The following SLC25A51 variants were observed in gnomAD, a reference collection of about 807,000 sequenced individuals.
SLC25A51 encodes solute carrier family 25 member 51.
In SLC25A51, 11 loss-of-function variants were observed where a neutral mutation model predicts 19.1. The observed-to-expected ratio is 0.58, with a 90% confidence interval of 0.36 to 0.96. The LOEUF is 0.96. SLC25A51 is among the 40% of genes least tolerant of loss of function. The pLI, the probability that SLC25A51 is intolerant of heterozygous loss-of-function variation, is 0.01. For missense variants in SLC25A51, 201 were observed against 365.4 expected, an observed-to-expected ratio of 0.55 and a Z score of 3.67; for synonymous variants, 105 against 133.6, an observed-to-expected ratio of 0.79 and a Z score of 1.47.
At position 37,888,161 on chromosome 9, in the gene SLC25A51, T is replaced by C; in HGVS notation, c.390A>G (p.Thr130=). Residue 130 remains threonine (T), a synonymous_variant, in exon 3 of 3, where the codon ACA becomes ACG. Transcript: ENST00000242275. ...CCAGTGGAGTGAAAATTGCTTCTGT[T>C]GTCCCTGCAAGCACTGCCGCCACGC... is the stretch of plus-strand genomic sequence containing the variant. ...TSGVAAVLAG[T]TEAIFTPLER... is the part of the protein sequence containing the mutation. 4 of 1,614,006 alleles carry C rather than the reference T, an allele frequency of 2.5e-6. No individual in the cohort carries two copies. The highest frequency in any genetic ancestry group is 3.4e-6 in the Non-Finnish European group (4 of 1,179,868).
chr9:37,887,343 A>G (rs1831483029), downstream of SLC25A51, among the ~76,000 whole-genome samples: 1 of 152,044 alleles, frequency 6.6e-6, no homozygotes, highest in African/African-American at 2.4e-5. Flanking sequence ...GTATAAGCCT[A>G]ACTTTGTCAC....
chr9:37,896,428 T>G (rs144628166), intron 2 of SLC25A51, among the ~76,000 whole-genome samples: 172 of 152,248 alleles, frequency 1.1e-3, no homozygotes, highest in African/African-American at 4.0e-3. Context: ...TAAACTTCGG[T>G]GTACTCTTCC....
At chr9:37,882,189 C>T (rs1831362160) in intron 2 of SLC25A51, among the ~76,000 whole-genome samples, 3 of 152,158 alleles carry the variant, frequency 2.0e-5, no homozygotes, top group Non-Finnish European at 2.9e-5. Flanking sequence ...TATACATTTG[C>T]ACATGAGAAA....
At chr9:37,903,353 G>C (rs61002862) in intron 1 of SLC25A51, among the ~76,000 whole-genome samples, 4,278 of 152,290 alleles carry the variant, frequency 0.028, 216 homozygotes, top group African/African-American at 0.098. Flanking sequence ...CAAAGGTTTT[G>C]CAGGAAGTTG....
chr9:37,885,761 T>C (rs1459208277), downstream of SLC25A51: 1 of 1,527,490 alleles, frequency 6.5e-7, no homozygotes, highest in Non-Finnish European at 9.1e-7. Context: ...TGGAGCAACA[T>C]ATAGGCAACA....
downstream of SLC25A51, chr9:37,878,555 G>T: frequency 5.8e-6 from 1 of 171,638 alleles, no homozygotes; most frequent in South Asian, 1.5e-4. Context: ...AGCAAAATTT[G>T]GCTTTGCTGC....
At chr9:37,884,119 G>T (rs570069363), downstream of SLC25A51, among the ~76,000 whole-genome samples, 3 of 152,294 alleles carry the variant, frequency 2.0e-5, no homozygotes, top group Admixed American at 2.0e-4. Flanking sequence ...GAAACCTACT[G>T]TCATGTCAGA....
chr9:37,883,749 G>A (rs1395969483), downstream of SLC25A51, among the ~76,000 whole-genome samples: 2 of 152,172 alleles, frequency 1.3e-5, no homozygotes, highest in Non-Finnish European at 2.9e-5. Context: ...ATCCTGACTC[G>A]ATTTAATAGG....
At chr9:37,883,927 T>C (rs1484427783), downstream of SLC25A51, among the ~76,000 whole-genome samples, 1 of 152,236 alleles carries the variant, frequency 6.6e-6, no homozygotes, top group Admixed American at 6.5e-5. Flanking sequence ...CTTCATCCTT[T>C]ACAGCTGGAA....
At chr9:37,882,900 G>A (rs113247146), downstream of SLC25A51, among the ~76,000 whole-genome samples, 716 of 152,274 alleles carry the variant, frequency 4.7e-3, 9 homozygotes, top group African/African-American at 0.016. Flanking sequence ...CTGGAGTGCA[G>A]TGGCGCAATC....
intron 2 of SLC25A51, 121 bp downstream of exon 2, chr9:37,899,708 C>G (rs1292933148): frequency 6.6e-6 from 1 of 152,174 alleles, no homozygotes; most frequent in African/African-American, 2.4e-5. Context: ...GTGCCAGTGT[C>G]AATGTTCCAC....
At chr9:37,887,574 A>T (rs1371289069), downstream of SLC25A51, 42 of 267,184 alleles carry the variant, frequency 1.6e-4, no homozygotes, top group East Asian at 6.2e-4. Flanking sequence ...GATTTCCTTT[A>T]AAAAAAAAAA....
downstream of SLC25A51, among the ~76,000 whole-genome samples, chr9:37,883,793 A>G (rs1340994045): frequency 6.6e-6 from 1 of 152,240 alleles, no homozygotes; most frequent in Non-Finnish European, 1.5e-5. Context: ...TTTGGTGCCA[A>G]ATTATTATTT....
intron 2 of SLC25A51, among the ~76,000 whole-genome samples, chr9:37,898,680 T>C (rs187756365): frequency 6.6e-6 from 1 of 152,272 alleles, no homozygotes; most frequent in African/African-American, 2.4e-5. Flanking sequence ...ATTGTACCAC[T>C]GCACTGCAGC....
chr9:37,901,204 C>T (rs953369515), intron 1 of SLC25A51, among the ~76,000 whole-genome samples: 3 of 151,898 alleles, frequency 2.0e-5, no homozygotes, highest in African/African-American at 7.3e-5. Context: ...GAGTCTCACT[C>T]TGTTGCCCAG....
rs1831496933 is a variant in SLC25A51, at chr9:37,887,876, C to T, written c.675G>A (p.Leu225=). 1.2e-6 allele frequency: 2 copies of T among 1,612,022 alleles called. No homozygotes were observed. Among genetic ancestry groups the T allele is most frequent in the African/African-American group, 1.3e-5 (1 of 74,940 alleles). The part of the protein sequence containing the change: ...FICGGLLGAM[L]GFLFFPINVV... ...CATTAATTGGAAAAAACAAGAATCC[C>T]AACATGGCACCCAATAGACCTCCAC... Residue 225 remains leucine, a synonymous_variant, in exon 3 of 3, where the codon TTG becomes TTA. Transcript: ENST00000242275.
At chr9:37,884,614 T>C (rs1564065346), downstream of SLC25A51, among the ~76,000 whole-genome samples, 1 of 152,200 alleles carries the variant, frequency 6.6e-6, no homozygotes, top group East Asian at 1.9e-4. Flanking sequence ...ATGGAAGTGT[T>C]TATTTTTTAA....
At chr9:37,882,181 T>C (rs1258576969) in intron 2 of SLC25A51, among the ~76,000 whole-genome samples, 1 of 152,240 alleles carries the variant, frequency 6.6e-6, no homozygotes, top group South Asian at 2.1e-4. Context: ...GTCTTTGATA[T>C]ACATTTGCAC....
At chr9:37,891,001 A>G (rs1168984583) in intron 2 of SLC25A51, among the ~76,000 whole-genome samples, 2 of 152,224 alleles carry the variant, frequency 1.3e-5, no homozygotes, top group Admixed American at 1.3e-4. Flanking sequence ...AAGATGTTAA[A>G]GAGAACCATG....
Sources: allele counts gnomAD v4.1 joint callset (sites outside exome capture counted in the v4.1 genomes callset), GRCh38; gene constraint gnomAD v4.1.1; transcripts MANE v1.5; gene names NCBI Gene and HGNC (gene_info 2026-07-23, HGNC 2026-07-21).